The following RANBP2 variants were observed in gnomAD, a reference collection of about 807,000 sequenced individuals.
RANBP2 encodes E3 SUMO-protein ligase RanBP2.
RANBP2 carries 57 observed loss-of-function variants against 303.6 expected under a neutral mutation model. That is an observed-to-expected ratio of 0.19 (90% CI 0.15 to 0.23). The LOEUF (loss-of-function observed/expected upper bound fraction) is 0.23. Among genes scored for constraint, RANBP2 ranks in the 10% least tolerant of loss-of-function variants. RANBP2 has a pLI of 1.00. For missense variants in RANBP2, 3,138 were observed against 3,780.8 expected (o/e 0.83, Z 4.46); for synonymous variants, 1,167 against 1,301.5 (o/e 0.90, Z 2.23).
At chr2:109,010,654 A>G in the RANBP2 span, among the ~76,000 whole-genome samples, 1 of 152,124 alleles carries the variant, frequency 6.6e-6, no homozygotes. Context: ...ATCACCTCCC[A>G]AAGACCCCAC....
chr2:109,035,370 C>A, the RANBP2 span, among the ~76,000 whole-genome samples: 1 of 151,886 alleles, frequency 6.6e-6, no homozygotes, highest in East Asian at 1.9e-4. Context: ...CTGGACATAA[C>A]ACAACAGACA....
At chr2:109,269,106 C>T in the RANBP2 span, among the ~76,000 whole-genome samples, 7 of 152,158 alleles carry the variant, frequency 4.6e-5, no homozygotes, top group Admixed American at 2.6e-4. Flanking sequence ...AAGGGCCGCA[C>T]GTGGATTTTG....
the RANBP2 span, among the ~76,000 whole-genome samples, chr2:109,438,915 G>A: frequency 4.6e-5 from 7 of 152,146 alleles, no homozygotes; most frequent in African/African-American, 1.7e-4. Flanking sequence ...AATCAGCCCG[G>A]TGTTCTGTAC....
chr2:109,545,829 G>T, the RANBP2 span: 1 of 1,429,662 alleles, frequency 7.0e-7, no homozygotes, highest in South Asian at 1.6e-5. Flanking sequence ...CATTCATTTT[G>T]GCAAATACTG....
chr2:109,339,408 T>A, the RANBP2 span, among the ~76,000 whole-genome samples: 7 of 152,180 alleles, frequency 4.6e-5, no homozygotes, highest in Non-Finnish European at 2.9e-5. Flanking sequence ...CCTCCTTCTC[T>A]TCCCTCCTGT....
the RANBP2 span, among the ~76,000 whole-genome samples, chr2:109,169,614 A>G: frequency 6.6e-6 from 1 of 152,146 alleles, no homozygotes; most frequent in Admixed American, 6.5e-5. Flanking sequence ...AGCAAGTAGG[A>G]TAGCTCTCCA....
At chr2:109,240,229 G>A in the RANBP2 span, among the ~76,000 whole-genome samples, 1 of 152,216 alleles carries the variant, frequency 6.6e-6, no homozygotes, top group African/African-American at 2.4e-5. Flanking sequence ...GCCAGGCATG[G>A]TGGCTCACGC....
At chr2:109,615,110 C>A in the RANBP2 span, 1 of 1,549,834 alleles carries the variant, frequency 6.5e-7, no homozygotes, top group Middle Eastern at 1.7e-4. Flanking sequence ...ACCTCCGTGA[C>A]CTGGTGATGG....
chr2:109,418,252 A>T, the RANBP2 span, among the ~76,000 whole-genome samples: 1 of 152,058 alleles, frequency 6.6e-6, no homozygotes, highest in African/African-American at 2.4e-5. Context: ...TCCCTCCTTG[A>T]AGGGAGGTGG....
chr2:109,266,096 G>T, the RANBP2 span, among the ~76,000 whole-genome samples: 1 of 151,610 alleles, frequency 6.6e-6, no homozygotes, highest in Non-Finnish European at 1.5e-5. Flanking sequence ...TGTTGTGCGT[G>T]CATGTGTGTG....
At chr2:108,740,742 A>G in intron 7 of RANBP2, 61 bp downstream of exon 7, 1 of 1,597,036 alleles carries the variant, frequency 6.3e-7, no homozygotes, top group South Asian at 1.1e-5. Context: ...GTTTGAAATG[A>G]AGGTGTGCTC....
At chr2:109,483,903 G>A in the RANBP2 span, among the ~76,000 whole-genome samples, 3,855 of 152,058 alleles carry the variant, frequency 0.025, 148 homozygotes, top group African/African-American at 0.088. Flanking sequence ...TGCAGCCAGG[G>A]CCACATCCTG....
chr2:109,117,065 C>T, the RANBP2 span, among the ~76,000 whole-genome samples: 1 of 152,232 alleles, frequency 6.6e-6, no homozygotes, highest in South Asian at 2.1e-4. Flanking sequence ...CCCAGTTAGG[C>T]TGCTCAGGGA....
At chr2:109,108,072 G>A in the RANBP2 span, among the ~76,000 whole-genome samples, 1 of 152,104 alleles carries the variant, frequency 6.6e-6, no homozygotes, top group Non-Finnish European at 1.5e-5. Flanking sequence ...CGCCCGGCCA[G>A]TTTTTTGTAT....
chr2:109,302,311 T>C, the RANBP2 span, among the ~76,000 whole-genome samples: 1 of 152,250 alleles, frequency 6.6e-6, no homozygotes, highest in Non-Finnish European at 1.5e-5. Context: ...ACAGCATATC[T>C]GTGATGGATC....
At chr2:109,549,935 T>A in the RANBP2 span, among the ~76,000 whole-genome samples, 1 of 152,204 alleles carries the variant, frequency 6.6e-6, no homozygotes, top group African/African-American at 2.4e-5. Context: ...CAGAAAGCCA[T>A]ACTGAGTGTA....
the RANBP2 span, among the ~76,000 whole-genome samples, chr2:109,130,929 G>A: frequency 6.6e-6 from 1 of 152,022 alleles, no homozygotes; most frequent in Non-Finnish European, 1.5e-5. Flanking sequence ...CAGGAGAGAG[G>A]GCATGGGATG....
chr2:109,174,377 T>A, the RANBP2 span, among the ~76,000 whole-genome samples: 1 of 152,244 alleles, frequency 6.6e-6, no homozygotes, highest in Non-Finnish European at 1.5e-5. Flanking sequence ...CCTTTCATTT[T>A]TTTTCTATAC....
the RANBP2 span, chr2:109,553,021 T>A: frequency 6.4e-7 from 1 of 1,561,876 alleles, no homozygotes; most frequent in Non-Finnish European, 8.7e-7. Flanking sequence ...ATTCTTGGAA[T>A]AAATCCTCCA....
Sources: allele counts gnomAD v4.1 joint callset (sites outside exome capture counted in the v4.1 genomes callset), GRCh38; gene constraint gnomAD v4.1.1; transcripts MANE v1.5; gene names NCBI Gene and HGNC (gene_info 2026-07-23, HGNC 2026-07-21).